The following DNAH12 variants were observed in gnomAD, a reference collection of about 807,000 sequenced individuals.
DNAH12 encodes dynein axonemal heavy chain 12.
Under a neutral mutation model 371.5 loss-of-function variants are expected in DNAH12, and 285 were observed. The ratio of observed to expected loss-of-function variants is 0.77; its 90% CI spans 0.70 to 0.85. The LOEUF is 0.85. Ranked by LOEUF, DNAH12 falls within the 40% of genes least tolerant of loss-of-function variation. The pLI is 0.00. For synonymous variants in DNAH12, 1,200 were observed against 1,213.0 expected (o/e 0.99, Z 0.22); for missense variants, 3,611 against 3,689.4 (o/e 0.98, Z 0.55).
chr3:57,543,180 A>G (rs2069369958), intron 1 of DNAH12, among the ~76,000 whole-genome samples: 1 of 152,090 alleles, frequency 6.6e-6, no homozygotes, highest in South Asian at 2.1e-4. Flanking sequence ...TGCTCTGTAA[A>G]TATCCCTACA....
chr3:57,520,016 C>A, intron 4 of DNAH12: 1 of 767,248 alleles, frequency 1.3e-6, no homozygotes, highest in African/African-American at 1.7e-5. Flanking sequence ...GCCATGGTAG[C>A]GCCGCGGAGC....
chr3:57,326,052 G>A (rs1036037351), intron 62 of DNAH12, among the ~76,000 whole-genome samples: 1 of 152,128 alleles, frequency 6.6e-6, no homozygotes, highest in Non-Finnish European at 1.5e-5. Context: ...AGAAATATGG[G>A]ACTATGGGAA....
intron 13 of DNAH12, among the ~76,000 whole-genome samples, chr3:57,478,457 C>T (rs542251900): frequency 6.6e-4 from 100 of 152,100 alleles, no homozygotes; most frequent in African/African-American, 2.1e-3. Flanking sequence ...ATTGGTGTAC[C>T]TGAAAGTGAC....
intron 1 of DNAH12, among the ~76,000 whole-genome samples, chr3:57,543,915 C>G (rs1575762723): frequency 1.3e-5 from 2 of 152,016 alleles, no homozygotes; most frequent in East Asian, 3.9e-4. Flanking sequence ...GGCGTGGTGG[C>G]AGGCGCCTGT....
intron 65 of DNAH12, among the ~76,000 whole-genome samples, chr3:57,320,881 T>G (rs1172815078): frequency 6.6e-6 from 1 of 152,206 alleles, no homozygotes; most frequent in Non-Finnish European, 1.5e-5. Context: ...TTGTTTGTAC[T>G]ACCAGAGAAG....
chr3:57,459,290 T>C (rs946801956), intron 20 of DNAH12, among the ~76,000 whole-genome samples: 5 of 152,190 alleles, frequency 3.3e-5, no homozygotes, highest in South Asian at 2.1e-4. Flanking sequence ...CCATTTGATT[T>C]GATTTATCTA....
chr3:57,297,145 A>C, intron 70 of DNAH12, 161 bp from the exon 71 acceptor site: 1 of 664,618 alleles, frequency 1.5e-6, no homozygotes, highest in Non-Finnish European at 2.5e-6. Context: ...TGGCCCTCTC[A>C]CCTCTTTCCC....
At chr3:57,350,813 A>C (rs1325993550) in intron 60 of DNAH12, among the ~76,000 whole-genome samples, 2 of 152,262 alleles carry the variant, frequency 1.3e-5, no homozygotes, top group Non-Finnish European at 2.9e-5. Context: ...AACCCAATAG[A>C]GAAATGGACA....
intron 69 of DNAH12, among the ~76,000 whole-genome samples, chr3:57,302,703 G>T (rs2061386624): frequency 6.9e-6 from 1 of 145,658 alleles, no homozygotes; most frequent in African/African-American, 2.5e-5. Context: ...AGCCTCCTGC[G>T]TAACTGAGAT....
At chr3:57,368,000 T>C (rs2063088563) in intron 56 of DNAH12, 46 bp downstream of exon 56, 1 of 152,216 alleles carries the variant, frequency 6.6e-6, no homozygotes, top group Non-Finnish European at 1.5e-5. Context: ...TCCAAGATAA[T>C]TCAATCATCT....
chr3:57,428,698 G>A lies in DNAH12; in HGVS notation c.5188C>T (p.Leu1730Phe). ...GPLCEPEYQA[L>F]LRGLFAWLIP... Reference sequence around the variant, plus strand: ...AACCAGGCAAAAAGTCCTCTCAGAAGAGCTTGATATTCTGGTTCACACAGA... The same window carrying A: ...AACCAGGCAAAAAGTCCTCTCAGAAAAGCTTGATATTCTGGTTCACACAGA... Residue 1730 changes from leucine (L) to phenylalanine (F), a missense_variant, in exon 34 of 74, where the codon CTT becomes TTT. This residue lies in a region of DNAH12 where 2,266 missense variants were observed against 2,236.9 expected (regional missense o/e 1.01). Coordinates refer to ENST00000495027, the MANE Select transcript of DNAH12 (RefSeq NM_001366028.2). 6.4e-7 allele frequency: 1 copy of A among 1,551,262 alleles called. No individual in the cohort carries two copies. Among genetic ancestry groups the A allele is most frequent in the Non-Finnish European group, 8.7e-7 (1 of 1,146,898 alleles).
chr3:57,537,195 G>GAA (rs1294088845), intron 2 of DNAH12, among the ~76,000 whole-genome samples: 1 of 150,732 alleles, frequency 6.6e-6, no homozygotes, highest in Non-Finnish European at 1.5e-5. Context: ...CCTTGTCTCA[G>GAA]AAAAAAAAAA....
chr3:57,479,940 T>C (rs1353575101), intron 13 of DNAH12, among the ~76,000 whole-genome samples: 2 of 152,128 alleles, frequency 1.3e-5, no homozygotes, highest in Non-Finnish European at 2.9e-5. Context: ...GGGAAATTTA[T>C]AGCACTAAAT....
intron 35 of DNAH12, 129 bp from the exon 36 acceptor site, chr3:57,421,835 G>T: frequency 3.4e-6 from 3 of 883,456 alleles, no homozygotes; most frequent in Non-Finnish European, 5.1e-6. Context: ...TGTAAATAAA[G>T]TAGAATGGAG....
At chr3:57,407,275 A>C (rs1355757506) in intron 40 of DNAH12, among the ~76,000 whole-genome samples, 1 of 76,286 alleles carries the variant, frequency 1.3e-5, no homozygotes, top group Non-Finnish European at 2.9e-5. Flanking sequence ...TAATGCTTCA[A>C]AGACAGAAAA....
intron 29 of DNAH12, among the ~76,000 whole-genome samples, chr3:57,438,918 C>CCAAAAAAAAA (rs562343761): frequency 8.0e-4 from 76 of 94,534 alleles, no homozygotes; most frequent in African/African-American, 3.0e-3. Context: ...CTGTCTCAGA[C>CCAAAAAAAAA]AAAAAAAAAA....
At position 57,371,510 on chromosome 3, in the gene DNAH12, T is replaced by C. The variant is rs976520006; in HGVS notation, c.8760-3250A>G. On this transcript the variant is annotated intron_variant, in intron 55 of 73. Transcript: ENST00000495027. ...TTATGGTACATGAATTATATATCAA[T>C]ACAGCTGTTAAAAATGATGGGAGGT... Among the ~76,000 whole-genome samples, 3 of 151,998 alleles carry C rather than the reference T, an allele frequency of 2.0e-5. No homozygotes were observed. In the East Asian group the frequency reaches 5.8e-4, roughly 29 times the overall value.
rs970847667 is a variant in DNAH12 at position 57,385,999 on chromosome 3, T to C, written c.7602+442A>G. Among the ~76,000 whole-genome samples, 450 of 152,280 alleles carry C rather than the reference T, an allele frequency of 3.0e-3. 2 individuals are homozygous for C. The highest frequency in any genetic ancestry group is 5.1e-3 in the Non-Finnish European group (348 of 68,022). On this transcript the variant is annotated intron_variant, in intron 47 of 73. Coordinates refer to ENST00000495027, the MANE Select transcript of DNAH12 (RefSeq NM_001366028.2). The stretch of plus-strand genomic sequence containing the variant: ...ATCTCAGAGTATTCCTGATATATTA[T>C]GTGCATGACATGATACAAAGATCAA...
intron 55 of DNAH12, among the ~76,000 whole-genome samples, chr3:57,371,102 C>T (rs1270425822): frequency 6.6e-6 from 1 of 152,052 alleles, no homozygotes; most frequent in East Asian, 1.9e-4. Flanking sequence ...TGAGGAAACT[C>T]CAAGATGGAA....
Sources: gnomAD v4.1 joint callset for allele counts (sites outside exome capture counted in the v4.1 genomes callset) on GRCh38, gnomAD v4.1.1 for gene constraint, gnomAD v4.1.1 regional missense constraint, MANE v1.5 for transcripts, NCBI Gene and HGNC (gene_info 2026-07-23, HGNC 2026-07-21) for gene names.